The following GNAL variants were observed in gnomAD, a reference collection of about 807,000 sequenced individuals.
GNAL encodes G protein subunit alpha L.
A neutral mutation model predicts 55.1 loss-of-function variants in GNAL; 18 were observed. That is an observed-to-expected ratio of 0.33 (90% CI 0.23 to 0.48). GNAL has a LOEUF of 0.48. Among genes scored for constraint, GNAL ranks in the 20% least tolerant of loss-of-function variants. The pLI is 0.99. For synonymous variants in GNAL, 253 were observed against 237.0 expected (o/e 1.07, Z -0.62); for missense variants, 412 against 614.1 (o/e 0.67, Z 3.48).
chr18:11,876,614 T>C lies in GNAL; in HGVS notation c.1163-7T>C, dbSNP rs3892113. The C allele has an allele frequency of 5.1e-6, 8 of 1,561,698 alleles. No individual in the cohort carries two copies. The African/African-American group carries it at 1.1e-4, about 21-fold the overall frequency. On this transcript the variant is annotated splice_polypyrimidine_tract_variant and splice_region_variant and intron_variant, in intron 10 of 11. Coordinates refer to ENST00000334049, the MANE Select transcript of GNAL (RefSeq NM_182978.4). The stretch of plus-strand genomic sequence containing the variant: ...CTTAAATAAAGTTCCATTTGTCATT[T>C]CTACAGCAACACCAGATGCAGGAGA...
chr18:11,711,596 A>G (rs1391319562), intron 1 of GNAL, among the ~76,000 whole-genome samples: 2 of 152,072 alleles, frequency 1.3e-5, no homozygotes, highest in African/African-American at 2.4e-5. Flanking sequence ...TTGATATTCT[A>G]ATTTTATGCA....
intron 5 of GNAL, among the ~76,000 whole-genome samples, chr18:11,842,276 C>A (rs1396878073): frequency 6.6e-6 from 1 of 152,058 alleles, no homozygotes; most frequent in East Asian, 1.9e-4. Flanking sequence ...CCACCGCGCT[C>A]GGCCTAGTTC....
chr18:11,775,870 A>T (rs1184185774), intron 4 of GNAL, among the ~76,000 whole-genome samples: 1 of 152,242 alleles, frequency 6.6e-6, no homozygotes, highest in African/African-American at 2.4e-5. Flanking sequence ...TATGTGGGAA[A>T]AAAGTTTTAT....
chr18:11,773,580 G>A (rs1162469495), intron 4 of GNAL, among the ~76,000 whole-genome samples: 1 of 152,054 alleles, frequency 6.6e-6, no homozygotes, highest in Non-Finnish European at 1.5e-5. Context: ...AGACCAGCCT[G>A]GGCAAAATTA....
intron 5 of GNAL, chr18:11,833,669 A>G (rs1280348413): frequency 6.6e-6 from 1 of 152,222 alleles, no homozygotes; most frequent in Non-Finnish European, 1.5e-5. Flanking sequence ...CAGACTTCCT[A>G]TACAGAAAGG....
chr18:11,723,444 T>C (rs2032143876), intron 1 of GNAL, among the ~76,000 whole-genome samples: 1 of 152,204 alleles, frequency 6.6e-6, no homozygotes, highest in Non-Finnish European at 1.5e-5. Context: ...TGCTAATCCC[T>C]GGTCTAGACT....
At position 11,885,486 on chromosome 18, in the gene GNAL, G is replaced by C. The variant is rs937026099; in HGVS notation, c.*4351G>C. On this transcript the variant is annotated 3_prime_UTR_variant, in exon 12 of 12. Transcript: ENST00000334049. ...CCTCGCTTCTCACATTAACTGCCCA[G>C]GAATGTCATGCTGATTGGTTCCCGG... 2 of 666,916 alleles carry C rather than the reference G, an allele frequency of 3.0e-6. No homozygotes were observed. Among genetic ancestry groups the C allele is most frequent in the African/African-American group, 3.6e-5 (2 of 54,908 alleles). 41.3% of individuals were successfully genotyped at this position (666,916 alleles called of 1,614,324 possible). A position where few individuals can be genotyped will look rare whatever the true frequency, so the allele number is the denominator to read the frequency against.
chr18:11,751,834 C>A lies in GNAL; in HGVS notation c.377-1019C>A, dbSNP rs1029386222. On this transcript the variant is annotated intron_variant, in intron 1 of 11. Coordinates refer to ENST00000334049, the MANE Select transcript of GNAL (RefSeq NM_182978.4). This position sits in a 1 kb window ranked among gnomAD's most constrained non-coding sequence, Gnocchi z 4.5. Reference sequence around the variant, plus strand: ...CCCAAAGCCAGCCTCCCTCTCCCTTCCCCGCACCGGGATCCCAGACCAGGG... The same window carrying A: ...CCCAAAGCCAGCCTCCCTCTCCCTTACCCGCACCGGGATCCCAGACCAGGG... 311 of 190,380 alleles carry A rather than the reference C, an allele frequency of 1.6e-3. 2 individuals are homozygous for A. The highest frequency in any genetic ancestry group is 7.0e-3 in the African/African-American group (298 of 42,318). 11.8% of individuals were successfully genotyped at this position (190,380 alleles called of 1,614,324 possible). A position where few individuals can be genotyped will look rare whatever the true frequency, so the allele number is the denominator to read the frequency against.
At chr18:11,781,295 T>G (rs1351831109) in intron 4 of GNAL, among the ~76,000 whole-genome samples, 1 of 152,180 alleles carries the variant, frequency 6.6e-6, no homozygotes, top group Non-Finnish European at 1.5e-5. Context: ...TCTGAACAAC[T>G]CTTAAATTTC....
Position 11,884,917 on chromosome 18 carries a change from A to G in GNAL, c.*3782A>G. The G allele has an allele frequency of 7.8e-7, 1 of 1,290,014 alleles. No homozygotes were observed. Among genetic ancestry groups the G allele is most frequent in the Non-Finnish European group, 1.0e-6 (1 of 1,003,660 alleles). The allele number at this position is 1,290,014 out of a possible 1,614,324, so 79.9% of individuals were successfully genotyped here. ...CCCCTGGCTCACTGGGTTCCCATCA[A>G]ATATAGTGGGGGATCCATAACAGAG... On this transcript the variant is annotated 3_prime_UTR_variant, in exon 12 of 12. Transcript: ENST00000334049.
intron 4 of GNAL, among the ~76,000 whole-genome samples, chr18:11,781,125 T>G (rs1196285677): frequency 6.6e-6 from 1 of 152,224 alleles, no homozygotes; most frequent in Non-Finnish European, 1.5e-5. Flanking sequence ...TATTTCAAAT[T>G]AAGACTTTAA....
At chr18:11,791,426 G>C (rs1019612340) in intron 4 of GNAL, among the ~76,000 whole-genome samples, 16 of 152,180 alleles carry the variant, frequency 1.1e-4, no homozygotes, top group African/African-American at 3.6e-4. Flanking sequence ...CATAAGGGAT[G>C]CTTTTTGCCT....
intron 4 of GNAL, among the ~76,000 whole-genome samples, chr18:11,788,714 A>G (rs2143410532): frequency 6.6e-6 from 1 of 151,278 alleles, no homozygotes; most frequent in South Asian, 2.1e-4. Context: ...CAAGACCAAC[A>G]TGGTGAAACC....
intron 4 of GNAL, among the ~76,000 whole-genome samples, chr18:11,770,884 G>A (rs2033611880): frequency 2.6e-5 from 4 of 152,038 alleles, no homozygotes; most frequent in African/African-American, 9.7e-5. Context: ...CGTGGCATCA[G>A]CTGACATCTT....
intron 1 of GNAL, among the ~76,000 whole-genome samples, chr18:11,741,097 A>C (rs2032566246): frequency 6.6e-6 from 1 of 152,250 alleles, no homozygotes; most frequent in South Asian, 2.1e-4. Flanking sequence ...AGAGATAATT[A>C]ATTCATCAGT....
intron 4 of GNAL, among the ~76,000 whole-genome samples, chr18:11,760,102 T>G (rs923941119): frequency 6.6e-6 from 1 of 151,992 alleles, no homozygotes; most frequent in African/African-American, 2.4e-5. Flanking sequence ...CTCCACCGCC[T>G]CCTCTCCCCG....
chr18:11,804,188 A>T (rs1335413997), intron 4 of GNAL, among the ~76,000 whole-genome samples: 1 of 127,672 alleles, frequency 7.8e-6, no homozygotes, highest in Non-Finnish European at 1.6e-5. Flanking sequence ...GGTGAAGTAC[A>T]GGTGCGGTTT....
chr18:11,880,387 G>A (rs1447078998), intron 11 of GNAL, among the ~76,000 whole-genome samples: 2 of 151,944 alleles, frequency 1.3e-5, no homozygotes, highest in African/African-American at 4.8e-5. Context: ...TGGCCAACAT[G>A]GTGACACCCC....
chr18:11,758,210 A>T (rs1407931536), intron 4 of GNAL, among the ~76,000 whole-genome samples: 2 of 152,216 alleles, frequency 1.3e-5, no homozygotes, highest in Non-Finnish European at 2.9e-5. Context: ...GGCAGAGAAC[A>T]GGTGCAGACG....
Sources: gnomAD v4.1 joint callset for allele counts (sites outside exome capture counted in the v4.1 genomes callset) on GRCh38, gnomAD v4.1.1 for gene constraint, Gnocchi (gnomAD v3.1) non-coding constraint, MANE v1.5 for transcripts, NCBI Gene and HGNC (gene_info 2026-07-23, HGNC 2026-07-21) for gene names.